Variants in PDLIM1 observed in about 807,000 individuals in gnomAD.
PDLIM1 encodes the protein PDZ and LIM domain protein 1.
A neutral mutation model predicts 35.2 loss-of-function variants in PDLIM1; 25 were observed. The observed-to-expected ratio is 0.71, with a 90% confidence interval of 0.52 to 0.99. The LOEUF (loss-of-function observed/expected upper bound fraction) is 0.99, where lower values mean the gene tolerates loss of function less well. Ranked by LOEUF, PDLIM1 falls within the 50% of genes least tolerant of loss-of-function variation. The pLI is 0.00. For synonymous variants in PDLIM1, 152 were observed against 154.0 expected (o/e 0.99, Z 0.10); for missense variants, 363 against 415.3 (o/e 0.87, Z 1.09).
At chr10:95,266,904 G>T (rs1273920734) in intron 3 of PDLIM1, among the ~76,000 whole-genome samples, 1 of 152,210 alleles carries the variant, frequency 6.6e-6, no homozygotes, top group Non-Finnish European at 1.5e-5. Flanking sequence ...AGTCTCCAAG[G>T]AAACTCAATA....
At chr10:95,279,219 C>T (rs2035539720) in intron 1 of PDLIM1, among the ~76,000 whole-genome samples, 1 of 152,192 alleles carries the variant, frequency 6.6e-6, no homozygotes, top group Non-Finnish European at 1.5e-5. Flanking sequence ...GACACATGCT[C>T]TCCATTTAGC....
chr10:95,263,767 TG>T, intron 4 of PDLIM1, 96 bp downstream of exon 4: 1 of 814,990 alleles, frequency 1.2e-6, no homozygotes, highest in Non-Finnish European at 2.0e-6. Flanking sequence ...TTTTTCTCCC[TG>T]GAGTAGTGGC....
At chr10:95,258,803 A>G (rs898783090) in intron 4 of PDLIM1, among the ~76,000 whole-genome samples, 2 of 152,200 alleles carry the variant, frequency 1.3e-5, no homozygotes, top group Non-Finnish European at 2.9e-5. Flanking sequence ...GTTTAAGATC[A>G]TAAATTTCAT....
At chr10:95,246,782 C>G (rs1309760137) in intron 5 of PDLIM1, among the ~76,000 whole-genome samples, 1 of 152,190 alleles carries the variant, frequency 6.6e-6, no homozygotes, top group Non-Finnish European at 1.5e-5. Context: ...AAAGCCAGCC[C>G]CTGGCTTCAC....
chr10:95,257,023 AAAGAAAGAAAG>A (rs2035320779), intron 4 of PDLIM1, among the ~76,000 whole-genome samples: 1 of 120,178 alleles, frequency 8.3e-6, no homozygotes. Context: ...AGAAAGAAAG[AAAGAAAGAAAG>A]AAAGAATTCA....
rs746576097 is a variant in PDLIM1, at chr10:95,264,013, G to A, written c.384C>T (p.Thr128=). 3.0e-5 allele frequency: 48 copies of A among 1,613,648 alleles called. No individual in the cohort carries two copies. The highest frequency in any genetic ancestry group is 5.5e-5 in the South Asian group (5 of 91,058). ...SAHNRSAMPF[T]ASPASSTTAR... ...CAGTAGTGCTGGAGGCAGGCGAGGC[G>A]GTAAAGGGCATGGCACTTCGGTTGT... The change falls in exon 4 of 7, where the codon ACC becomes ACT. Residue 128 remains threonine, a synonymous_variant. Transcript: ENST00000329399.
intron 4 of PDLIM1, among the ~76,000 whole-genome samples, chr10:95,249,169 C>A (rs1308062150): frequency 6.6e-6 from 1 of 152,232 alleles, no homozygotes; most frequent in Non-Finnish European, 1.5e-5. Flanking sequence ...TGAACGAACA[C>A]TGCAGAATGG....
rs2035315089 is a variant in PDLIM1 at position 95,256,846 on chromosome 10, A to G, written c.533+7018T>C. Among the ~76,000 whole-genome samples the G allele has an allele frequency of 2.6e-5, 4 of 151,936 alleles. No homozygotes were observed. In the South Asian group the frequency reaches 8.3e-4, roughly 32 times the overall value. ...AAAAATTAGCCAGGAGTGGCAACGC[A>G]AGCCTGTAGTTCTAGATACTCAGGA... On this transcript the variant is annotated intron_variant, in intron 4 of 6. Coordinates refer to ENST00000329399, the MANE Select transcript of PDLIM1 (RefSeq NM_020992.4).
chr10:95,288,468 T>C (rs1034368053), intron 1 of PDLIM1, among the ~76,000 whole-genome samples: 11 of 152,110 alleles, frequency 7.2e-5, no homozygotes, highest in Admixed American at 4.6e-4. Context: ...TTGTCAGTGC[T>C]CACATTTCCT....
chr10:95,280,931 A>C (rs1326573259), intron 1 of PDLIM1, among the ~76,000 whole-genome samples: 1 of 152,158 alleles, frequency 6.6e-6, no homozygotes, highest in Non-Finnish European at 1.5e-5. Context: ...GGGGGCAGGG[A>C]TTCAAAATAT....
intron 4 of PDLIM1, among the ~76,000 whole-genome samples, chr10:95,258,793 G>A (rs961021591): frequency 2.0e-5 from 3 of 151,828 alleles, no homozygotes; most frequent in African/African-American, 4.8e-5. Flanking sequence ...ACTTAAAAAC[G>A]TTTAAGATCA....
chr10:95,247,318 A>G lies in PDLIM1; in HGVS notation c.582T>C (p.Ser194=), dbSNP rs377514992. 4 of 1,614,074 alleles carry G rather than the reference A, an allele frequency of 2.5e-6. No homozygotes were observed. The highest frequency in any genetic ancestry group is 3.4e-6 in the Non-Finnish European group (4 of 1,179,902). The change falls in exon 5 of 7, where the codon TCT becomes TCC. Residue 194 remains serine (S), a synonymous_variant. Coordinates refer to ENST00000329399, the MANE Select transcript of PDLIM1 (RefSeq NM_020992.4). ...TCTCCTGAAGCATCTTGTAAACTTC[A>G]GATTCTTTGTCGATGACAAGGCTGC... ...PPSSLVIDKE[S]EVYKMLQEKQ...
At chr10:95,244,207 C>G (rs2035200616) in intron 5 of PDLIM1, among the ~76,000 whole-genome samples, 1 of 152,076 alleles carries the variant, frequency 6.6e-6, no homozygotes, top group African/African-American at 2.4e-5. Context: ...AACCAAGGGC[C>G]CCTTTCTCCT....
intron 1 of PDLIM1, among the ~76,000 whole-genome samples, chr10:95,277,817 A>G (rs563673468): frequency 1.1e-4 from 17 of 152,302 alleles, no homozygotes; most frequent in African/African-American, 4.1e-4. Context: ...CTCCAAGTTC[A>G]TAATGCATCT....
At chr10:95,288,572 C>G (rs933836173) in intron 1 of PDLIM1, among the ~76,000 whole-genome samples, 1 of 150,894 alleles carries the variant, frequency 6.6e-6, no homozygotes, top group Non-Finnish European at 1.5e-5. Context: ...TTTTAAGTAG[C>G]CTCAGACAGT....
Position 95,247,306 on chromosome 10 carries a change from C to T in PDLIM1, c.594G>A (p.Lys198=), listed in dbSNP as rs750500603. 3.7e-6 allele frequency: 6 copies of T among 1,613,682 alleles called. No individual in the cohort carries two copies. In the East Asian group the frequency reaches 1.3e-4, roughly 36 times the overall value. ...LVIDKESEVY[K]MLQEKQELNE... is the part of the protein sequence containing the mutation. ...TCAACTCCTGTTTCTCCTGAAGCAT[C>T]TTGTAAACTTCAGATTCTTTGTCGA... Residue 198 remains lysine, a synonymous_variant, in exon 5 of 7, where the codon AAG becomes AAA. Coordinates refer to ENST00000329399, the MANE Select transcript of PDLIM1 (RefSeq NM_020992.4).
At chr10:95,242,106 G>C (rs1485011737) in intron 5 of PDLIM1, among the ~76,000 whole-genome samples, 1 of 152,152 alleles carries the variant, frequency 6.6e-6, no homozygotes, top group Non-Finnish European at 1.5e-5. Context: ...ATGGGGCTGA[G>C]ATTAGGAGGC....
At position 95,290,906 on chromosome 10, in the gene PDLIM1, G is replaced by A; in HGVS notation, c.10C>T (p.Gln4Ter). The part of the protein sequence containing the change: MTT[Q>*]QIDLQGPGPW... ...CCCGGGCCCTGGAGGTCTATCTGCT[G>A]GGTGGTCATGGCGCGGCTGTGGCGG... Residue 4 changes from glutamine to a stop codon, truncating the protein, a stop_gained, in exon 1 of 7, where the codon CAG becomes TAG. Transcript: ENST00000329399. LOFTEE classifies it high-confidence loss of function. This position sits in a 1 kb window ranked among gnomAD's most constrained non-coding sequence, Gnocchi z 4.7. 6.4e-7 allele frequency: 1 copy of A among 1,553,078 alleles called. No homozygotes were observed. Among genetic ancestry groups the A allele is most frequent in the Non-Finnish European group, 8.7e-7 (1 of 1,148,534 alleles).
chr10:95,281,767 C>T (rs1296316130), intron 1 of PDLIM1, among the ~76,000 whole-genome samples: 1 of 152,228 alleles, frequency 6.6e-6, no homozygotes, highest in African/African-American at 2.4e-5. Context: ...GCTAGTTTCA[C>T]AGGCATGAGC....
Sources: allele counts gnomAD v4.1 joint callset (sites outside exome capture counted in the v4.1 genomes callset), GRCh38; gene constraint gnomAD v4.1.1; non-coding constraint Gnocchi (gnomAD v3.1); transcripts MANE v1.5; gene names NCBI Gene and HGNC (gene_info 2026-07-23, HGNC 2026-07-21).